The following XNDC1N variants were observed in gnomAD, a reference collection of about 807,000 sequenced individuals.
The protein encoded by XNDC1N is XRCC1 N-terminal domain containing 1, N-terminal like, also known as protein XNDC1N.
the XNDC1N span, among the ~76,000 whole-genome samples, chr11:71,881,386 G>A: frequency 3.3e-5 from 5 of 151,988 alleles, no homozygotes; most frequent in Admixed American, 3.3e-4. Flanking sequence ...CCACATAATG[G>A]GTGCCTTAAA....
chr11:71,921,697 G>A, the XNDC1N span, among the ~76,000 whole-genome samples: 15 of 152,210 alleles, frequency 9.9e-5, no homozygotes, highest in South Asian at 8.3e-4. Flanking sequence ...GTGTGCACGC[G>A]TGCATGTTTT....
chr11:71,868,431 A>G, the XNDC1N span, among the ~76,000 whole-genome samples: 1 of 152,118 alleles, frequency 6.6e-6, no homozygotes, highest in Non-Finnish European at 1.5e-5. Flanking sequence ...TCTTTTCCAT[A>G]TTTAGCACTC....
At chr11:71,904,721 T>C in the XNDC1N span, among the ~76,000 whole-genome samples, 1 of 152,058 alleles carries the variant, frequency 6.6e-6, no homozygotes, top group African/African-American at 2.4e-5. Flanking sequence ...TTGACACACA[T>C]GGTGTACATC....
At chr11:71,913,628 C>T in the XNDC1N span, among the ~76,000 whole-genome samples, 12 of 146,694 alleles carry the variant, frequency 8.2e-5, no homozygotes, top group Middle Eastern at 3.5e-3. Context: ...CACTGCACTC[C>T]AGCCTGGGTG....
chr11:71,898,337 T>A, the XNDC1N span, among the ~76,000 whole-genome samples: 1 of 152,176 alleles, frequency 6.6e-6, no homozygotes, highest in Admixed American at 6.5e-5. Flanking sequence ...CCAGTCTCAG[T>A]GGCTCGCACA....
chr11:71,869,659 T>G, the XNDC1N span, among the ~76,000 whole-genome samples: 1 of 152,234 alleles, frequency 6.6e-6, no homozygotes, highest in African/African-American at 2.4e-5. Flanking sequence ...TTTTATTAGA[T>G]TCCTTAGATT....
At chr11:71,868,983 C>A in the XNDC1N span, among the ~76,000 whole-genome samples, 1,245 of 152,114 alleles carry the variant, frequency 8.2e-3, 13 homozygotes, top group African/African-American at 0.021. Flanking sequence ...TTTTTGAATT[C>A]TTTTTTCTTT....
the XNDC1N span, among the ~76,000 whole-genome samples, chr11:71,877,182 A>T: frequency 2.0e-5 from 3 of 152,370 alleles, no homozygotes; most frequent in South Asian, 6.2e-4. Context: ...CCATTCACTA[A>T]CACTCTGAAG....
At chr11:71,887,053 C>T in the XNDC1N span, among the ~76,000 whole-genome samples, 1 of 152,204 alleles carries the variant, frequency 6.6e-6, no homozygotes, top group Non-Finnish European at 1.5e-5. Context: ...AGGGGCCCTG[C>T]TCAACCTGGC....
chr11:71,908,342 ATTG>A, the XNDC1N span, among the ~76,000 whole-genome samples: 11 of 151,894 alleles, frequency 7.2e-5, no homozygotes, highest in African/African-American at 1.9e-4. Context: ...ATAATCATGT[ATTG>A]TTATCTTTAG....
At chr11:71,866,580 A>T in the XNDC1N span, among the ~76,000 whole-genome samples, 6 of 152,142 alleles carry the variant, frequency 3.9e-5, 1 homozygote, top group Admixed American at 2.6e-4. Flanking sequence ...CCTGGCCAAC[A>T]TGGCAAAACC....
At chr11:71,883,560 C>T in the XNDC1N span, among the ~76,000 whole-genome samples, 1 of 152,138 alleles carries the variant, frequency 6.6e-6, no homozygotes, top group Non-Finnish European at 1.5e-5. Context: ...AAAACTGGGC[C>T]TGTATCTTAC....
chr11:71,874,704 A>G, the XNDC1N span, among the ~76,000 whole-genome samples: 7 of 152,202 alleles, frequency 4.6e-5, no homozygotes, highest in African/African-American at 9.6e-5. Flanking sequence ...TCTCATAGCT[A>G]TGAAGAGAAT....
the XNDC1N span, among the ~76,000 whole-genome samples, chr11:71,887,608 G>C: frequency 1.3e-5 from 2 of 152,092 alleles, no homozygotes; most frequent in East Asian, 1.9e-4. Context: ...AAAAACAGGG[G>C]CCGGTCCCCA....
At chr11:71,908,919 C>T in the XNDC1N span, among the ~76,000 whole-genome samples, 2 of 152,110 alleles carry the variant, frequency 1.3e-5, no homozygotes, top group African/African-American at 4.8e-5. Flanking sequence ...TATGCAAAGG[C>T]TAAAGCGAGA....
chr11:71,889,333 GAC>G, the XNDC1N span, among the ~76,000 whole-genome samples: 6 of 152,366 alleles, frequency 3.9e-5, no homozygotes, highest in South Asian at 1.2e-3. Flanking sequence ...CATTGCAGGG[GAC>G]ACCAGCGAGC....
the XNDC1N span, among the ~76,000 whole-genome samples, chr11:71,892,199 C>A: frequency 4.2e-4 from 64 of 151,698 alleles, 1 homozygote; most frequent in African/African-American, 1.5e-3. Flanking sequence ...TCTGTACACA[C>A]ATGGTGTACA....
chr11:71,865,779 T>C, the XNDC1N span: 2 of 412,698 alleles, frequency 4.8e-6, no homozygotes, highest in Non-Finnish European at 9.3e-6. Context: ...CAGTTTTTTT[T>C]TTTTGCTGTG....
At chr11:71,897,350 A>G in the XNDC1N span, among the ~76,000 whole-genome samples, 1 of 152,364 alleles carries the variant, frequency 6.6e-6, no homozygotes, top group East Asian at 1.9e-4. Flanking sequence ...GCTGACAGCC[A>G]TCATATATAA....
Sources: gnomAD v4.1 joint callset for allele counts (sites outside exome capture counted in the v4.1 genomes callset) on GRCh38, gnomAD v4.1.1 for gene constraint, MANE v1.5 for transcripts, NCBI Gene and HGNC (gene_info 2026-07-23, HGNC 2026-07-21) for gene names.